STK38: variants seen among roughly 807,000 people sequenced by gnomAD.
The protein encoded by STK38 is serine/threonine kinase 38.
A neutral mutation model predicts 59.0 loss-of-function variants in STK38; 26 were observed. The observed-to-expected ratio is 0.44, with a 90% CI of 0.32 to 0.61. STK38 has a LOEUF of 0.61. STK38 is among the 20% of genes least tolerant of loss of function. The pLI is 0.04. For missense variants in STK38, 433 were observed against 566.0 expected (o/e 0.76, Z 2.38); for synonymous variants, 175 against 176.6 (o/e 0.99, Z 0.07).
chr6:36,524,392 T>C lies in STK38; in HGVS notation c.255A>G (p.Gly85=). 6.2e-7 allele frequency: 1 copy of C among 1,613,828 alleles called. No homozygotes were observed. The highest frequency in any genetic ancestry group is 8.5e-7 in the Non-Finnish European group (1 of 1,179,918). ...CTTTTAAGGACTCAAAATCTTCCAA[T>C]CCAAGTCTTGTTCTCTTCAAACGAA... ...EFLRLKRTRL[G]LEDFESLKVI... The change falls in exon 4 of 14, where the codon GGA becomes GGG. Residue 85 remains glycine, a synonymous_variant. Coordinates refer to ENST00000229812, the MANE Select transcript of STK38 (RefSeq NM_007271.4).
chr6:36,506,704 T>C (rs2127470489), intron 8 of STK38, 60 bp from the exon 9 acceptor site: 1 of 1,490,920 alleles, frequency 6.7e-7, no homozygotes, highest in East Asian at 2.3e-5. Flanking sequence ...ACTACTTTTT[T>C]TAGTAGGCTC....
intron 12 of STK38, 134 bp from the exon 13 acceptor site, chr6:36,496,939 T>C (rs1776719149): frequency 1.6e-6 from 1 of 612,714 alleles, no homozygotes; most frequent in Non-Finnish European, 2.7e-6. Context: ...TTATTTTCTC[T>C]GAAAAACTTA....
chr6:36,535,341 T>G (rs1777763575), intron 2 of STK38, among the ~76,000 whole-genome samples: 1 of 150,734 alleles, frequency 6.6e-6, no homozygotes, highest in South Asian at 2.1e-4. Context: ...CCCAGCTACT[T>G]AGGAGGCTGG....
rs1388284827 is a variant in STK38, at chr6:36,515,939, G to A, written c.515-447C>T. ...AGAGGCTGAAATGCCAAATAAAAATGTAAACACTCGGGCAGGCTGAAAACA... is the reference window on the plus strand; with the variant it reads ...AGAGGCTGAAATGCCAAATAAAAATATAAACACTCGGGCAGGCTGAAAACA... On this transcript the variant is annotated intron_variant, in intron 6 of 13. Coordinates refer to ENST00000229812, the MANE Select transcript of STK38 (RefSeq NM_007271.4). Among the ~76,000 whole-genome samples, 3 of 152,184 alleles carry A rather than the reference G, an allele frequency of 2.0e-5. No individual in the cohort carries two copies. The South Asian group carries it at 6.2e-4, about 32-fold the overall frequency.
At chr6:36,497,567 T>C (rs1441270450) in intron 12 of STK38, among the ~76,000 whole-genome samples, 1 of 152,218 alleles carries the variant, frequency 6.6e-6, no homozygotes, top group Non-Finnish European at 1.5e-5. Flanking sequence ...CTTCACTTTG[T>C]AAATAACTGC....
chr6:36,537,597 G>A lies in STK38; in HGVS notation c.131+2475C>T, dbSNP rs554289832. Reference sequence around the variant, plus strand: ...TTATTGATGCATATAGCAACACAGAGGAACCTCAAAAATATGCTGGCCAGG... The same window carrying A: ...TTATTGATGCATATAGCAACACAGAAGAACCTCAAAAATATGCTGGCCAGG... On this transcript the variant is annotated intron_variant, in intron 2 of 13. Coordinates refer to ENST00000229812, the MANE Select transcript of STK38 (RefSeq NM_007271.4). Among the ~76,000 whole-genome samples, 104 of 152,226 alleles carry A rather than the reference G, an allele frequency of 6.8e-4. 2 individuals are homozygous for A. In the South Asian group the frequency reaches 0.017, roughly 25 times the overall value.
chr6:36,534,135 G>A (rs747557738), intron 2 of STK38, among the ~76,000 whole-genome samples: 5 of 151,952 alleles, frequency 3.3e-5, no homozygotes, highest in Admixed American at 1.3e-4. Context: ...CCCCTGAAAC[G>A]TAAAGTTAGT....
At chr6:36,526,638 T>C (rs1383168367) in intron 2 of STK38, among the ~76,000 whole-genome samples, 1 of 152,114 alleles carries the variant, frequency 6.6e-6, no homozygotes, top group Non-Finnish European at 1.5e-5. Context: ...CTCACGCCTG[T>C]AACCCCAACA....
intron 2 of STK38, among the ~76,000 whole-genome samples, chr6:36,531,706 C>T (rs1210487778): frequency 1.3e-5 from 2 of 152,200 alleles, no homozygotes; most frequent in East Asian, 3.8e-4. Context: ...ACACTAGATT[C>T]AGGGGGTTTA....
At chr6:36,536,090 G>T (rs1777783564) in intron 2 of STK38, among the ~76,000 whole-genome samples, 1 of 152,152 alleles carries the variant, frequency 6.6e-6, no homozygotes, top group Non-Finnish European at 1.5e-5. Flanking sequence ...GCTAAGGACA[G>T]ACAAGGAAAT....
chr6:36,495,878 TTCTTGTAG>T lies in STK38; in HGVS notation c.1296_1303del (p.Asp432GlufsTer15). The T allele has an allele frequency of 6.2e-7, 1 of 1,614,062 alleles. No homozygotes were observed. The highest frequency in any genetic ancestry group is 1.1e-5 in the South Asian group (1 of 91,078). On this transcript the variant is annotated frameshift_variant, in exon 14 of 14. Transcript: ENST00000229812. LOFTEE classifies it high-confidence loss of function. ...GTAATTGATGAAGACCCAGTCTTTG[TTCTTGTAG>T]TCAGTCTCAGGATGATTACTTGTGG...
intron 7 of STK38, among the ~76,000 whole-genome samples, chr6:36,512,746 G>A (rs1316327723): frequency 1.3e-5 from 2 of 151,796 alleles, no homozygotes; most frequent in Non-Finnish European, 2.9e-5. Flanking sequence ...TGCAACCTCC[G>A]CCTCCCAGGT....
chr6:36,513,848 T>TAAAAAAAA (rs1178706954), intron 7 of STK38, among the ~76,000 whole-genome samples: 1 of 63,834 alleles, frequency 1.6e-5, no homozygotes, highest in African/African-American at 6.7e-5. Flanking sequence ...TACTAAAAAT[T>TAAAAAAAA]AAAAAAAAAA....
chr6:36,502,376 T>C (rs1300833601), intron 9 of STK38, among the ~76,000 whole-genome samples: 1 of 152,216 alleles, frequency 6.6e-6, no homozygotes, highest in Non-Finnish European at 1.5e-5. Flanking sequence ...TAATTAGCCA[T>C]CCAGGTTTTT....
chr6:36,517,882 C>T (rs1192896331), intron 5 of STK38, 42 bp from the exon 6 acceptor site: 8 of 1,605,114 alleles, frequency 5.0e-6, no homozygotes, highest in African/African-American at 4.0e-5. Flanking sequence ...GCTTGCTCTG[C>T]TTTATTAGAT....
chr6:36,540,229 G>C (rs753527354), intron 1 of STK38, 22 bp from the exon 2 acceptor site: 4 of 1,612,506 alleles, frequency 2.5e-6, no homozygotes, highest in Non-Finnish European at 3.4e-6. Context: ...GAAAAGAAGA[G>C]GTGTTAGATT....
chr6:36,525,712 A>T (rs1294249014), intron 2 of STK38, 70 bp from the exon 3 acceptor site: 4 of 1,276,492 alleles, frequency 3.1e-6, no homozygotes, highest in Admixed American at 3.8e-5. Flanking sequence ...TCTGTAACTT[A>T]ATACTGTAGT....
chr6:36,503,997 G>A (rs1776901674), intron 9 of STK38, among the ~76,000 whole-genome samples: 1 of 152,092 alleles, frequency 6.6e-6, no homozygotes, highest in African/African-American at 2.4e-5. Flanking sequence ...CCTTTTTTCT[G>A]TCTGGGTATT....
intron 7 of STK38, among the ~76,000 whole-genome samples, chr6:36,511,028 G>GTT (rs1290587263): frequency 6.6e-6 from 1 of 152,124 alleles, no homozygotes; most frequent in African/African-American, 2.4e-5. Flanking sequence ...AATCAAAAAT[G>GTT]TAAGAGGGAA....
Sources: gnomAD v4.1 joint callset for allele counts (sites outside exome capture counted in the v4.1 genomes callset) on GRCh38, gnomAD v4.1.1 for gene constraint, MANE v1.5 for transcripts, NCBI Gene and HGNC (gene_info 2026-07-23, HGNC 2026-07-21) for gene names.